The following SLFN5 variants were observed in gnomAD, a reference collection of about 807,000 sequenced individuals.
The protein encoded by SLFN5 is schlafen family member 5.
SLFN5 carries 34 observed loss-of-function variants against 48.5 expected under a neutral mutation model. The observed-to-expected ratio is 0.70, with a 90% CI of 0.53 to 0.93. The LOEUF (loss-of-function observed/expected upper bound fraction) is 0.93. Among genes scored for constraint, SLFN5 ranks in the 40% least tolerant of loss-of-function variants. The pLI is 0.00. For synonymous variants in SLFN5, 387 were observed against 396.2 expected (o/e 0.98, Z 0.28); for missense variants, 1,006 against 1,071.3 (o/e 0.94, Z 0.85).
At position 35,264,319 on chromosome 17, in the gene SLFN5, G is replaced by A; in HGVS notation, c.1275G>A (p.Trp425Ter). The A allele has an allele frequency of 6.2e-7, 1 of 1,614,100 alleles. No homozygotes were observed. Among genetic ancestry groups the A allele is most frequent in the African/African-American group, 1.3e-5 (1 of 75,022 alleles). The change falls in exon 4 of 5, where the codon TGG becomes TGA. Residue 425 changes from tryptophan (W) to a stop codon, truncating the protein, a stop_gained. Transcript: ENST00000299977. LOFTEE classifies it high-confidence loss of function. ...GAATATTGATTTTTTCTCAAAGCTG[G>A]GCTGTGGATTTAGGTCTGCAAGAGA... is the stretch of plus-strand genomic sequence containing the variant. The part of the protein sequence containing the change: ...SQGILIFSQS[W>*]AVDLGLQEKQ...
chr17:35,263,592 G>A (rs1904582996), intron 3 of SLFN5, among the ~76,000 whole-genome samples: 1 of 151,936 alleles, frequency 6.6e-6, no homozygotes, highest in African/African-American at 2.4e-5. Context: ...GGAGGCCCAG[G>A]CGGGCAGATC....
chr17:35,273,004 C>T lies in SLFN5; in HGVS notation c.*7116C>T, dbSNP rs924019180. 6.6e-6 allele frequency: 1 copy of T among 152,050 alleles called. No individual in the cohort carries two copies. The highest frequency in any genetic ancestry group is 1.5e-5 in the Non-Finnish European group (1 of 68,010). The allele number at this position is 152,050 out of a possible 1,614,324, so 9.4% of individuals were successfully genotyped here. ...TTCAAACGTGTGAAATACTTCTATACAGGTGATTGAATTTCACTTTATTCC... is the reference window on the plus strand; with the variant it reads ...TTCAAACGTGTGAAATACTTCTATATAGGTGATTGAATTTCACTTTATTCC... On this transcript the variant is annotated 3_prime_UTR_variant, in exon 5 of 5. Coordinates refer to ENST00000299977, the MANE Select transcript of SLFN5 (RefSeq NM_144975.4).
chr17:35,243,660 C>T (rs1339355861), intron 1 of SLFN5, among the ~76,000 whole-genome samples: 1 of 152,144 alleles, frequency 6.6e-6, no homozygotes, highest in Non-Finnish European at 1.5e-5. Flanking sequence ...ACTAGGGTAG[C>T]CCACAAAGCC....
Position 35,243,111 on chromosome 17 carries a change from G to A in SLFN5, c.-73G>A, listed in dbSNP as rs1442387380. 6.6e-6 allele frequency: 1 copy of A among 152,356 alleles called. No individual in the cohort carries two copies. Among genetic ancestry groups the A allele is most frequent in the Non-Finnish European group, 1.5e-5 (1 of 68,150 alleles). 9.4% of individuals were successfully genotyped at this position (152,356 alleles called of 1,614,324 possible). Reference sequence around the variant, plus strand: ...TGGGAGGCTCCGTTGCCTGCTCCCGGAGGGAGACGCGCTGCCGAGGAGAAC... The same window carrying A: ...TGGGAGGCTCCGTTGCCTGCTCCCGAAGGGAGACGCGCTGCCGAGGAGAAC... On this transcript the variant is annotated 5_prime_UTR_variant, in exon 1 of 5. Coordinates refer to ENST00000299977, the MANE Select transcript of SLFN5 (RefSeq NM_144975.4).
At chr17:35,263,755 A>C (rs759639206) in intron 3 of SLFN5, among the ~76,000 whole-genome samples, 2 of 149,550 alleles carry the variant, frequency 1.3e-5, no homozygotes, top group Non-Finnish European at 3.0e-5. Context: ...CCCAGGAGAC[A>C]GAAGTTGCAG....
At chr17:35,249,343 T>C (rs1177928270) in intron 1 of SLFN5, among the ~76,000 whole-genome samples, 4 of 152,178 alleles carry the variant, frequency 2.6e-5, no homozygotes, top group Admixed American at 6.5e-5. Flanking sequence ...CTACAGATAT[T>C]GTAAACAGAA....
chr17:35,243,212 C>T (rs1037655573), intron 1 of SLFN5, 69 bp downstream of exon 1: 1 of 152,530 alleles, frequency 6.6e-6, no homozygotes, highest in South Asian at 2.1e-4. Context: ...GCGGGTTCTC[C>T]TATTGGGCTG....
rs371122788 is a variant in SLFN5, at chr17:35,265,531, A to C, written c.2319A>C (p.Val773=). The change falls in exon 5 of 5, where the codon GTA becomes GTC. Residue 773 remains valine, a synonymous_variant. Transcript: ENST00000299977. Reference sequence around the variant, plus strand: ...ACTTGGAGGAGATACTGATCTATGTAGCGAATAAATGCCGTTTTCTCTTGC... The same window carrying C: ...ACTTGGAGGAGATACTGATCTATGTCGCGAATAAATGCCGTTTTCTCTTGC... ...DLNLEEILIY[V]ANKCRFLLRN... is the part of the protein sequence containing the mutation. 6.2e-7 allele frequency: 1 copy of C among 1,614,144 alleles called. No homozygotes were observed. Among genetic ancestry groups the C allele is most frequent in the African/African-American group, 1.3e-5 (1 of 74,936 alleles).
In SLFN5 at chr17:35,265,256, T is replaced by C. The variant is rs1437891330; in HGVS notation, c.2044T>C (p.Phe682Leu). 2 of 1,614,104 alleles carry C rather than the reference T, an allele frequency of 1.2e-6. No homozygotes were observed. Among genetic ancestry groups the C allele is most frequent in the East Asian group, 2.2e-5 (1 of 44,904 alleles). The change falls in exon 5 of 5, where the codon TTT becomes CTT. Residue 682 changes from phenylalanine to leucine, a missense_variant. By Grantham distance (22) the Phe-to-Leu change is conservative. Coordinates refer to ENST00000299977, the MANE Select transcript of SLFN5 (RefSeq NM_144975.4). Reference sequence around the variant, plus strand: ...GGATGGCCCAGGAGTTCTCTGGATCTTTCTGGACTACTTTCAGACCTATCA... The same window carrying C: ...GGATGGCCCAGGAGTTCTCTGGATCCTTCTGGACTACTTTCAGACCTATCA... Reference protein sequence around the residue: ...ARDGPGVLWIFLDYFQTYHLS... With the variant: ...ARDGPGVLWILLDYFQTYHLS...
intron 3 of SLFN5, among the ~76,000 whole-genome samples, chr17:35,263,557 G>A (rs1048866691): frequency 4.6e-5 from 7 of 151,932 alleles, no homozygotes; most frequent in Admixed American, 2.0e-4. Flanking sequence ...GTGCGGTGAC[G>A]CACGCCTGTG....
chr17:35,249,119 G>A (rs1347276148), intron 1 of SLFN5, among the ~76,000 whole-genome samples: 4 of 152,196 alleles, frequency 2.6e-5, no homozygotes, highest in Non-Finnish European at 5.9e-5. Context: ...AAAGAAGGTG[G>A]TAAAAAGCAG....
chr17:35,260,110 C>G (rs1904477453), intron 2 of SLFN5, among the ~76,000 whole-genome samples: 1 of 152,204 alleles, frequency 6.6e-6, no homozygotes, highest in Non-Finnish European at 1.5e-5. Context: ...CCACTTTCCT[C>G]TGACTTTCCC....
At chr17:35,249,172 G>T (rs544580331) in intron 1 of SLFN5, among the ~76,000 whole-genome samples, 1 of 152,240 alleles carries the variant, frequency 6.6e-6, no homozygotes, top group African/African-American at 2.4e-5. Flanking sequence ...CATGAAATTG[G>T]AGACTTAATT....
rs769261339 is a variant in SLFN5 at position 35,264,520 on chromosome 17, C to G, written c.1476C>G (p.Pro492=). The G allele has an allele frequency of 8.7e-6, 14 of 1,614,074 alleles. No homozygotes were observed. Among genetic ancestry groups the G allele is most frequent in the Non-Finnish European group, 1.2e-5 (14 of 1,179,988 alleles). Residue 492 remains proline (P), a synonymous_variant, in exon 4 of 5, where the codon CCC becomes CCG. Transcript: ENST00000299977. The stretch of plus-strand genomic sequence containing the variant: ...ACACTGGGAGGTTATGCATCACCCC[C>G]TTGGTCTGTGTGCTGAATTCTGATA... ...GGYTGRLCIT[P]LVCVLNSDRK... is the part of the protein sequence containing the mutation.
Position 35,259,229 on chromosome 17 carries a change from G to A in SLFN5, c.539G>A (p.Arg180Gln), listed in dbSNP as rs764649766. ...VSAAALFDRK[R>Q]LQYLEKLNLP... ...GCTGCTGCTTTATTTGATAGAAAGC[G>A]GCTTCAGTATCTGGAAAAACTCAAC... The change falls in exon 2 of 5, where the codon CGG becomes CAG. Residue 180 changes from arginine to glutamine, a missense_variant. Transcript: ENST00000299977. The A allele has an allele frequency of 9.2e-5, 149 of 1,613,948 alleles. No individual in the cohort carries two copies. In the East Asian group the frequency reaches 1.4e-3, roughly 15 times the overall value.
intron 1 of SLFN5, among the ~76,000 whole-genome samples, chr17:35,248,350 T>C (rs1336459449): frequency 6.6e-6 from 1 of 152,138 alleles, no homozygotes; most frequent in East Asian, 1.9e-4. Context: ...TGATCAAAAA[T>C]TGCTTCATTA....
intron 1 of SLFN5, among the ~76,000 whole-genome samples, chr17:35,246,111 G>T (rs1416973550): frequency 6.6e-6 from 1 of 152,032 alleles, no homozygotes; most frequent in Non-Finnish European, 1.5e-5. Context: ...ATAATTCAAT[G>T]TGCTTATTTG....
chr17:35,245,814 G>T (rs527700700), intron 1 of SLFN5, among the ~76,000 whole-genome samples: 2 of 146,228 alleles, frequency 1.4e-5, no homozygotes, highest in African/African-American at 2.5e-5. Flanking sequence ...ACAAGTCTTT[G>T]TATGGACATA....
chr17:35,256,325 C>T (rs1351802659), intron 1 of SLFN5, among the ~76,000 whole-genome samples: 1 of 152,198 alleles, frequency 6.6e-6, no homozygotes, highest in African/African-American at 2.4e-5. Flanking sequence ...CACCACTGCA[C>T]TCCAGCCTGG....
Sources: gnomAD v4.1 joint callset for allele counts (sites outside exome capture counted in the v4.1 genomes callset) on GRCh38, gnomAD v4.1.1 for gene constraint, MANE v1.5 for transcripts, NCBI Gene and HGNC (gene_info 2026-07-23, HGNC 2026-07-21) for gene names.